The following SARNP variants were observed in gnomAD, a reference collection of about 807,000 sequenced individuals.
SARNP encodes the protein SAP domain containing ribonucleoprotein, also known as SAP domain-containing ribonucleoprotein.
SARNP carries 5 observed loss-of-function variants against 38.1 expected under a neutral mutation model. That is an observed-to-expected ratio of 0.13 (90% confidence interval 0.07 to 0.28). SARNP has a LOEUF of 0.28. Among genes scored for constraint, SARNP ranks in the 10% least tolerant of loss-of-function variants. The pLI is 1.00. For missense variants in SARNP, 180 were observed against 243.9 expected, an observed-to-expected ratio of 0.74 and a Z score of 1.75; for synonymous variants, 84 against 80.6, an observed-to-expected ratio of 1.04 and a Z score of -0.23.
chr12:55,776,294 T>G lies in SARNP; in HGVS notation c.501+12781A>C, dbSNP rs537184593. On this transcript the variant is annotated intron_variant, in intron 9 of 10. Transcript: ENST00000336133. ...TCTCTGCAAACTAAAATTAGCCGGG[T>G]GTGGTGGTGCATGCCTGTGGTCCCA... Among the ~76,000 whole-genome samples, 5 of 152,100 alleles carry G rather than the reference T, an allele frequency of 3.3e-5. No homozygotes were observed. The South Asian group carries it at 1.0e-3, about 32-fold the overall frequency.
intron 5 of SARNP, among the ~76,000 whole-genome samples, chr12:55,795,775 A>T (rs1215753032): frequency 6.6e-6 from 1 of 152,206 alleles, no homozygotes; most frequent in African/African-American, 2.4e-5. Flanking sequence ...AGGTTTGAAA[A>T]CATCTCAAAG....
chr12:55,778,130 A>G (rs1313533087), intron 9 of SARNP, among the ~76,000 whole-genome samples: 1 of 151,992 alleles, frequency 6.6e-6, no homozygotes, highest in Non-Finnish European at 1.5e-5. Flanking sequence ...AGTTTCCCCC[A>G]TTGTTTCCTC....
At chr12:55,768,511 AC>A (rs1312094772) in intron 9 of SARNP, among the ~76,000 whole-genome samples, 1 of 110,640 alleles carries the variant, frequency 9.0e-6, no homozygotes, top group Non-Finnish European at 1.9e-5. Context: ...TGCAACCCCC[AC>A]CTCCCGGGTT....
chr12:55,805,184 C>A (rs1477508822), intron 1 of SARNP, among the ~76,000 whole-genome samples: 1 of 152,188 alleles, frequency 6.6e-6, no homozygotes, highest in Non-Finnish European at 1.5e-5. Context: ...ATGGCGTGAA[C>A]CCTGGAGGCG....
At position 55,799,952 on chromosome 12, in the gene SARNP, C is replaced by T. The variant is rs574686999; in HGVS notation, c.251+610G>A. Reference sequence around the variant, plus strand: ...CACCTGTAATCCCAGCACTTTGGGACGCCAAGGCAGACGGATCATTTGAGG... The same window carrying T: ...CACCTGTAATCCCAGCACTTTGGGATGCCAAGGCAGACGGATCATTTGAGG... On this transcript the variant is annotated intron_variant, in intron 4 of 10. Coordinates refer to ENST00000336133, the MANE Select transcript of SARNP (RefSeq NM_033082.4). Among the ~76,000 whole-genome samples, 32 of 151,686 alleles carry T rather than the reference C, an allele frequency of 2.1e-4. No homozygotes were observed. In the South Asian group the frequency reaches 2.5e-3, roughly 12 times the overall value.
intron 9 of SARNP, among the ~76,000 whole-genome samples, chr12:55,764,832 C>CAAAA (rs1162009254): frequency 3.7e-4 from 23 of 61,798 alleles, no homozygotes; most frequent in Admixed American, 8.6e-4. Context: ...CTCTGTCTCA[C>CAAAA]AAAAAAAAAA....
chr12:55,806,323 G>C (rs1458068310), intron 1 of SARNP, among the ~76,000 whole-genome samples: 1 of 150,162 alleles, frequency 6.7e-6, no homozygotes, highest in Non-Finnish European at 1.5e-5. Flanking sequence ...TGCCCTGGCT[G>C]GAGTACAGTG....
intron 9 of SARNP, among the ~76,000 whole-genome samples, chr12:55,782,494 C>A (rs1489211269): frequency 6.6e-6 from 1 of 152,228 alleles, no homozygotes; most frequent in Admixed American, 6.5e-5. Flanking sequence ...TAAGCCCAGA[C>A]TTAGTTTTTA....
chr12:55,789,026 A>G, intron 9 of SARNP, 49 bp downstream of exon 9: 1 of 1,263,622 alleles, frequency 7.9e-7, no homozygotes, highest in Middle Eastern at 1.9e-4. Flanking sequence ...TAGTTCCCAT[A>G]AGCTGCTCTA....
At chr12:55,764,392 G>A (rs866463080) in intron 9 of SARNP, among the ~76,000 whole-genome samples, 6 of 152,204 alleles carry the variant, frequency 3.9e-5, no homozygotes, top group Non-Finnish European at 7.4e-5. Context: ...TTAGCTGGGC[G>A]TGGTGGCGCA....
rs932347715 is a variant in SARNP at position 55,757,327 on chromosome 12, A to C, written c.*185T>G. ...ACATAATCAAAAACAAAAACACAAC[A>C]ACCTTAAAGCTGAAACAGCAATAAG... On this transcript the variant is annotated 3_prime_UTR_variant, in exon 11 of 11. Coordinates refer to ENST00000336133, the MANE Select transcript of SARNP (RefSeq NM_033082.4). 3 of 424,868 alleles carry C rather than the reference A, an allele frequency of 7.1e-6. No individual in the cohort carries two copies. Among genetic ancestry groups the C allele is most frequent in the Non-Finnish European group, 1.3e-5 (3 of 238,234 alleles). The allele number at this position is 424,868 out of a possible 1,614,324, so 26.3% of individuals were successfully genotyped here.
chr12:55,789,831 C>T lies in SARNP; in HGVS notation c.433-688G>A, dbSNP rs150753604. On this transcript the variant is annotated intron_variant, in intron 8 of 10. Transcript: ENST00000336133. The stretch of plus-strand genomic sequence containing the variant: ...TGGTGGCGGGCACCTGTAATCCCAG[C>T]TACTTGGGAGGCTGAGGCAGGAGAA... Among the ~76,000 whole-genome samples, 887 of 151,062 alleles carry T rather than the reference C, an allele frequency of 5.9e-3. 2 individuals carry two copies. The highest frequency in any genetic ancestry group is 9.8e-3 in the Non-Finnish European group (667 of 67,848).
intron 2 of SARNP, 55 bp downstream of exon 2, chr12:55,803,574 G>A: frequency 1.9e-6 from 2 of 1,043,034 alleles, no homozygotes; most frequent in East Asian, 2.5e-5. Context: ...TCTTTTCAGT[G>A]TCAAAGCCTG....
intron 10 of SARNP, among the ~76,000 whole-genome samples, chr12:55,758,213 C>T (rs1028792692): frequency 2.6e-5 from 4 of 152,182 alleles, no homozygotes; most frequent in Admixed American, 2.0e-4. Flanking sequence ...GCACCAAGTC[C>T]TTCATGGGCA....
chr12:55,790,976 A>C (rs1177795290), intron 7 of SARNP, among the ~76,000 whole-genome samples: 3 of 152,278 alleles, frequency 2.0e-5, no homozygotes, highest in Non-Finnish European at 4.4e-5. Flanking sequence ...GGCTAAATTA[A>C]GTATGGTATA....
At chr12:55,775,296 C>T (rs1487473575) in intron 9 of SARNP, among the ~76,000 whole-genome samples, 3 of 146,986 alleles carry the variant, frequency 2.0e-5, no homozygotes, top group South Asian at 2.1e-4. Flanking sequence ...TGGTGGCTCA[C>T]GCCTGTAATC....
chr12:55,782,749 T>G (rs1264965623), intron 9 of SARNP, among the ~76,000 whole-genome samples: 1 of 152,090 alleles, frequency 6.6e-6, no homozygotes, highest in Non-Finnish European at 1.5e-5. Flanking sequence ...ACACTGCACC[T>G]GGCTAATTTG....
intron 4 of SARNP, among the ~76,000 whole-genome samples, chr12:55,798,553 C>T (rs1592576536): frequency 6.6e-6 from 1 of 152,072 alleles, no homozygotes; most frequent in African/African-American, 2.4e-5. Flanking sequence ...GTTAAATGTA[C>T]ATCCTCTGTG....
chr12:55,791,951 T>C (rs1365392770), intron 7 of SARNP, among the ~76,000 whole-genome samples: 8 of 152,142 alleles, frequency 5.3e-5, no homozygotes, highest in African/African-American at 1.9e-4. Flanking sequence ...CTTTTCAGAC[T>C]ATTAATTTTA....
Sources: gnomAD v4.1 joint callset for allele counts (sites outside exome capture counted in the v4.1 genomes callset) on GRCh38, gnomAD v4.1.1 for gene constraint, MANE v1.5 for transcripts, NCBI Gene and HGNC (gene_info 2026-07-23, HGNC 2026-07-21) for gene names.